The following UNC5D variants were observed in gnomAD, a reference collection of about 807,000 sequenced individuals.
UNC5D encodes the protein unc-5 netrin receptor D.
A neutral mutation model predicts 105.4 loss-of-function variants in UNC5D; 39 were observed. That is an observed-to-expected ratio of 0.37 (90% CI 0.29 to 0.48). The LOEUF (loss-of-function observed/expected upper bound fraction) is 0.48. Ranked by LOEUF, UNC5D falls within the 20% of genes least tolerant of loss-of-function variation. The probability of loss-of-function intolerance (pLI) is 0.98; values close to 1 mark genes in which losing one functional copy is unlikely to be tolerated. For synonymous variants in UNC5D, 452 were observed against 450.4 expected (o/e 1.00, Z -0.04); for missense variants, 991 against 1,202.4 (o/e 0.82, Z 2.60).
At chr8:35,251,336 T>C (rs1056717077) in intron 1 of UNC5D, among the ~76,000 whole-genome samples, 3 of 152,144 alleles carry the variant, frequency 2.0e-5, no homozygotes, top group African/African-American at 7.2e-5. Flanking sequence ...GAAAAGCCCT[T>C]TGTAAAACCA....
At chr8:35,512,465 CATAT>C (rs780945660) in intron 1 of UNC5D, among the ~76,000 whole-genome samples, 966 of 19,990 alleles carry the variant, frequency 0.048, 15 homozygotes, top group African/African-American at 0.05. Flanking sequence ...AATAGTGAGC[CATAT>C]ATATATATAT....
At position 35,773,552 on chromosome 8, in the gene UNC5D, C is replaced by T. The variant is rs530490604; in HGVS notation, c.2479-747C>T. Among the ~76,000 whole-genome samples the T allele has an allele frequency of 4.6e-5, 7 of 152,288 alleles. No homozygotes were observed. In the South Asian group the frequency reaches 1.0e-3, roughly 23 times the overall value. The stretch of plus-strand genomic sequence containing the variant: ...CCTACAAGGCATTTCCTAGGCAGCT[C>T]CTTTGATCAGCCCATTCACCATTAG... On this transcript the variant is annotated intron_variant, in intron 15 of 16. Transcript: ENST00000404895.
At chr8:35,325,920 T>C (rs541873240) in intron 1 of UNC5D, among the ~76,000 whole-genome samples, 3 of 152,320 alleles carry the variant, frequency 2.0e-5, no homozygotes, top group African/African-American at 7.2e-5. Flanking sequence ...CTGGGTATTA[T>C]GCACAAGTTT....
At chr8:35,575,583 C>CCT (rs1298795148) in intron 3 of UNC5D, among the ~76,000 whole-genome samples, 2 of 152,162 alleles carry the variant, frequency 1.3e-5, no homozygotes, top group East Asian at 3.9e-4. Context: ...GCCCATAATA[C>CCT]CTCCACTGCT....
intron 1 of UNC5D, among the ~76,000 whole-genome samples, chr8:35,477,219 C>A (rs1221573524): frequency 3.3e-5 from 5 of 152,112 alleles, no homozygotes; most frequent in Admixed American, 2.0e-4. Flanking sequence ...CGTGTTCAAG[C>A]CTTAGAATGT....
chr8:35,654,585 CTTT>C (rs1554581167), intron 4 of UNC5D, among the ~76,000 whole-genome samples: 1 of 152,152 alleles, frequency 6.6e-6, no homozygotes, highest in Non-Finnish European at 1.5e-5. Flanking sequence ...AAATTGTTTA[CTTT>C]ATCACCAGCC....
chr8:35,672,406 C>A (rs1824870867), intron 4 of UNC5D, among the ~76,000 whole-genome samples: 1 of 152,076 alleles, frequency 6.6e-6, no homozygotes, highest in Non-Finnish European at 1.5e-5. Flanking sequence ...GTCTGCCCAG[C>A]CAAAAATAAT....
chr8:35,457,869 AAG>A (rs1335914440), intron 1 of UNC5D, among the ~76,000 whole-genome samples: 5 of 152,188 alleles, frequency 3.3e-5, no homozygotes, highest in Non-Finnish European at 5.9e-5. Context: ...TTTTTAATAA[AAG>A]AGCTTATTAA....
intron 1 of UNC5D, among the ~76,000 whole-genome samples, chr8:35,330,897 C>A (rs1211302146): frequency 6.6e-6 from 1 of 152,116 alleles, no homozygotes; most frequent in Non-Finnish European, 1.5e-5. Context: ...AAGTGAAGTG[C>A]ACCATCTCAC....
intron 1 of UNC5D, among the ~76,000 whole-genome samples, chr8:35,330,557 C>T (rs1023640061): frequency 1.3e-5 from 2 of 152,174 alleles, no homozygotes; most frequent in Non-Finnish European, 2.9e-5. Context: ...GTTCAGCCAT[C>T]GTGGTATAAT....
intron 1 of UNC5D, among the ~76,000 whole-genome samples, chr8:35,464,661 C>T (rs376693628): frequency 1.2e-3 from 180 of 152,142 alleles, no homozygotes; most frequent in African/African-American, 4.2e-3. Flanking sequence ...AAATGGGAGG[C>T]AATCTTTGAA....
chr8:35,422,734 G>A (rs567322579), intron 1 of UNC5D, among the ~76,000 whole-genome samples: 5 of 152,306 alleles, frequency 3.3e-5, no homozygotes, highest in South Asian at 2.1e-4. Context: ...TACCTACTAT[G>A]TGCCAGGTAG....
At chr8:35,357,693 G>A (rs747751480) in intron 1 of UNC5D, among the ~76,000 whole-genome samples, 3 of 152,096 alleles carry the variant, frequency 2.0e-5, no homozygotes, top group South Asian at 2.1e-4. Context: ...AACCTAGAAC[G>A]GTGCCTGGTA....
At chr8:35,676,158 T>C (rs1825201404) in intron 4 of UNC5D, among the ~76,000 whole-genome samples, 1 of 152,172 alleles carries the variant, frequency 6.6e-6, no homozygotes, top group Non-Finnish European at 1.5e-5. Flanking sequence ...AGGAACCTGC[T>C]GTCTGGCATG....
At chr8:35,618,286 T>A (rs1821156828) in intron 4 of UNC5D, among the ~76,000 whole-genome samples, 1 of 152,210 alleles carries the variant, frequency 6.6e-6, no homozygotes, top group Non-Finnish European at 1.5e-5. Context: ...AGTAACGGGA[T>A]ATTTTTAGAA....
intron 1 of UNC5D, chr8:35,255,122 C>T (rs949428736): frequency 2.6e-5 from 4 of 152,144 alleles, no homozygotes; most frequent in South Asian, 2.1e-4. Context: ...TTCTCTTAGT[C>T]GCCACCATTT....
At chr8:35,432,099 G>T (rs962639722) in intron 1 of UNC5D, among the ~76,000 whole-genome samples, 3 of 152,048 alleles carry the variant, frequency 2.0e-5, no homozygotes, top group African/African-American at 7.2e-5. Context: ...TGGAATTCTG[G>T]ATCTATAATA....
intron 4 of UNC5D, among the ~76,000 whole-genome samples, chr8:35,595,939 T>A (rs544509306): frequency 6.6e-6 from 1 of 152,320 alleles, no homozygotes; most frequent in African/African-American, 2.4e-5. Flanking sequence ...CATGCAGGTG[T>A]CATTCTTTCT....
intron 15 of UNC5D, among the ~76,000 whole-genome samples, chr8:35,769,329 CA>C: frequency 6.6e-6 from 1 of 152,310 alleles, no homozygotes; most frequent in East Asian, 1.9e-4. Flanking sequence ...GGACCCCAGT[CA>C]AGGCCATCTA....
Sources: allele counts gnomAD v4.1 joint callset (sites outside exome capture counted in the v4.1 genomes callset), GRCh38; gene constraint gnomAD v4.1.1; transcripts MANE v1.5; gene names NCBI Gene and HGNC (gene_info 2026-07-23, HGNC 2026-07-21).